Variants in EBF1 observed in about 807,000 individuals in gnomAD.
EBF1 encodes the protein EBF transcription factor 1, also known as transcription factor COE1.
In EBF1, 10 loss-of-function variants were observed where a neutral mutation model predicts 68.4. The ratio of observed to expected loss-of-function variants is 0.15; its 90% CI spans 0.09 to 0.25. The LOEUF is 0.25. Among genes scored for constraint, EBF1 ranks in the 10% least tolerant of loss-of-function variants. EBF1 has a pLI of 1.00. For synonymous variants in EBF1, 298 were observed against 299.8 expected, an observed-to-expected ratio of 0.99 and a Z score of 0.06; for missense variants, 509 against 794.4, an observed-to-expected ratio of 0.64 and a Z score of 4.32.
Position 158,951,397 on chromosome 5 carries a change from CT to C in EBF1, c.555-111288del, listed in dbSNP as rs148831279. On this transcript the variant is annotated intron_variant, in intron 6 of 15. Transcript: ENST00000313708. ...AATGCCCCTCCTTCTCTACTCCATT[CT>C]TTTTTTCCTGGCAGGTGCACGTTCA... 5.3e-5 allele frequency among the ~76,000 whole-genome samples: 8 copies of C among 152,302 alleles called. No individual in the cohort carries two copies. In the South Asian group the frequency reaches 6.2e-4, roughly 12 times the overall value.
chr5:158,968,251 G>C (rs905143452), intron 6 of EBF1, among the ~76,000 whole-genome samples: 2 of 152,308 alleles, frequency 1.3e-5, no homozygotes, highest in Admixed American at 6.5e-5. Context: ...GTCAGATAAA[G>C]CTCTCAAAAG....
At chr5:158,908,906 G>A (rs1805262501) in intron 6 of EBF1, among the ~76,000 whole-genome samples, 1 of 152,178 alleles carries the variant, frequency 6.6e-6, no homozygotes. Context: ...CCGGGCTGTG[G>A]TCAAGCTGCT....
chr5:158,879,794 G>A (rs1264649523), intron 6 of EBF1, among the ~76,000 whole-genome samples: 1 of 152,172 alleles, frequency 6.6e-6, no homozygotes, highest in Non-Finnish European at 1.5e-5. Flanking sequence ...CCCCAGCCCT[G>A]GAGTAGCCCC....
chr5:158,935,106 G>A (rs1561555693), intron 6 of EBF1, among the ~76,000 whole-genome samples: 1 of 152,316 alleles, frequency 6.6e-6, no homozygotes, highest in East Asian at 1.9e-4. Context: ...GTTTATTCTT[G>A]GGAAATGGTG....
intron 6 of EBF1, among the ~76,000 whole-genome samples, chr5:159,031,721 T>G (rs1359397211): frequency 2.6e-5 from 4 of 152,182 alleles, no homozygotes; most frequent in Admixed American, 2.6e-4. Context: ...AGTTCAGCAA[T>G]GCGTGGAATG....
chr5:158,854,582 C>T (rs527968549), intron 6 of EBF1, among the ~76,000 whole-genome samples: 1 of 152,292 alleles, frequency 6.6e-6, no homozygotes, highest in African/African-American at 2.4e-5. Flanking sequence ...CTGGATTTCC[C>T]AGGGCACTTA....
intron 6 of EBF1, among the ~76,000 whole-genome samples, chr5:158,962,320 A>G (rs1199734264): frequency 1.3e-5 from 2 of 152,150 alleles, no homozygotes; most frequent in African/African-American, 4.8e-5. Flanking sequence ...AAAGCCTTGG[A>G]AACCAAGCCA....
chr5:158,696,335 A>G lies in EBF1; in HGVS notation c.*2776T>C, dbSNP rs965439380. On this transcript the variant is annotated 3_prime_UTR_variant, in exon 16 of 16. Transcript: ENST00000313708. Reference sequence around the variant, plus strand: ...GAGGGCCAGAATGTCTTTTCATCTAATCAATAGAAATAGAAGCAACAAAAC... The same window carrying G: ...GAGGGCCAGAATGTCTTTTCATCTAGTCAATAGAAATAGAAGCAACAAAAC... 1.8e-5 allele frequency: 4 copies of G among 221,544 alleles called. No individual in the cohort carries two copies. The highest frequency in any genetic ancestry group is 3.6e-5 in the Non-Finnish European group (4 of 110,894). 13.7% of individuals were successfully genotyped at this position (221,544 alleles called of 1,614,324 possible).
intron 6 of EBF1, among the ~76,000 whole-genome samples, chr5:159,067,129 G>A (rs570062745): frequency 6.6e-6 from 1 of 152,216 alleles, no homozygotes; most frequent in East Asian, 1.9e-4. Flanking sequence ...ATTTATCAAT[G>A]GAGAGTTACA....
chr5:159,084,343 A>G (rs1329095236), intron 5 of EBF1, among the ~76,000 whole-genome samples: 1 of 152,212 alleles, frequency 6.6e-6, no homozygotes, highest in African/African-American at 2.4e-5. Flanking sequence ...AGTTGAGCGC[A>G]TATATTAACA....
chr5:158,824,365 TTTGA>T (rs1303975483), intron 7 of EBF1, among the ~76,000 whole-genome samples: 1 of 152,238 alleles, frequency 6.6e-6, no homozygotes, highest in African/African-American at 2.4e-5. Context: ...CCTCAGGCTC[TTTGA>T]TTGATCACCG....
intron 6 of EBF1, among the ~76,000 whole-genome samples, chr5:158,847,040 C>T (rs529411551): frequency 3.3e-5 from 5 of 152,186 alleles, no homozygotes; most frequent in South Asian, 2.1e-4. Flanking sequence ...GAGCATGTGG[C>T]TGCCCCTATT....
At position 158,712,287 on chromosome 5, in the gene EBF1, C is replaced by T. The variant is rs776477204; in HGVS notation, c.1416G>A (p.Pro472=). The T allele has an allele frequency of 1.2e-6, 2 of 1,613,950 alleles. No individual in the cohort carries two copies. The highest frequency in any genetic ancestry group is 2.2e-5 in the East Asian group (1 of 44,880). ...SSSVSPHGYV[P]STTPQQTNYN... The stretch of plus-strand genomic sequence containing the variant: ...AGTTGGTCTGCTGGGGAGTGGTGCT[C>T]GGCACGTACCCGTGTGGTGATACGC... Residue 472 remains proline, a synonymous_variant, in exon 14 of 16, where the codon CCG becomes CCA. Coordinates refer to ENST00000313708, the MANE Select transcript of EBF1 (RefSeq NM_024007.5).
chr5:159,077,094 C>T (rs114024833), intron 5 of EBF1, among the ~76,000 whole-genome samples: 190 of 152,264 alleles, frequency 1.2e-3, no homozygotes, highest in African/African-American at 4.4e-3. Flanking sequence ...AAGTATGGTT[C>T]ACTCCCTCAC....
Position 159,096,963 on chromosome 5 carries a change from C to G in EBF1, c.291+11G>C. On this transcript the variant is annotated intron_variant, in intron 2 of 15. Coordinates refer to ENST00000313708, the MANE Select transcript of EBF1 (RefSeq NM_024007.5). ...CCGGGGACGAGGGGCGACAGCGCTG[C>G]GCCCACTTACTTTTTCCTTCTCCAC... The G allele has an allele frequency of 6.2e-7, 1 of 1,612,958 alleles. No individual in the cohort carries two copies. The highest frequency in any genetic ancestry group is 8.5e-7 in the Non-Finnish European group (1 of 1,179,796).
chr5:158,865,132 G>A (rs994273560), intron 6 of EBF1, among the ~76,000 whole-genome samples: 1 of 152,076 alleles, frequency 6.6e-6, no homozygotes, highest in African/African-American at 2.4e-5. Flanking sequence ...CTCTTTTCCA[G>A]GATAAACCTA....
At position 158,864,709 on chromosome 5, in the gene EBF1, G is replaced by T. The variant is rs989623446; in HGVS notation, c.555-24599C>A. Among the ~76,000 whole-genome samples the T allele has an allele frequency of 5.3e-5, 8 of 152,348 alleles. No homozygotes were observed. In the East Asian group the frequency reaches 9.6e-4, roughly 18 times the overall value. On this transcript the variant is annotated intron_variant, in intron 6 of 15. Coordinates refer to ENST00000313708, the MANE Select transcript of EBF1 (RefSeq NM_024007.5). The stretch of plus-strand genomic sequence containing the variant: ...GGAAAGTGATGGTTCCTAGAAAGGG[G>T]AGAAGAGAAGATCTTGGAAATTATG...
At chr5:159,047,004 C>A (rs1056802219) in intron 6 of EBF1, among the ~76,000 whole-genome samples, 1 of 152,198 alleles carries the variant, frequency 6.6e-6, no homozygotes, top group Non-Finnish European at 1.5e-5. Flanking sequence ...TGCTTTTCAT[C>A]CAATAACTCA....
At chr5:158,906,573 G>C (rs1404722337) in intron 6 of EBF1, among the ~76,000 whole-genome samples, 1 of 152,224 alleles carries the variant, frequency 6.6e-6, no homozygotes, top group Non-Finnish European at 1.5e-5. Context: ...CCACGAAGCA[G>C]AGGCTGTGCT....
Sources: allele counts gnomAD v4.1 joint callset (sites outside exome capture counted in the v4.1 genomes callset), GRCh38; gene constraint gnomAD v4.1.1; transcripts MANE v1.5; gene names NCBI Gene and HGNC (gene_info 2026-07-23, HGNC 2026-07-21).